Variants in NELL2 observed in about 807,000 individuals in gnomAD.
NELL2 encodes neural EGFL like 2, also known as protein kinase C-binding protein NELL2.
Under a neutral mutation model 109.6 loss-of-function variants are expected in NELL2, and 41 were observed. The observed-to-expected ratio is 0.37, with a 90% CI of 0.29 to 0.49. The LOEUF (loss-of-function observed/expected upper bound fraction) is 0.49, where lower values mean the gene tolerates loss of function less well. Ranked by LOEUF, NELL2 falls within the 20% of genes least tolerant of loss-of-function variation. NELL2 has a pLI of 0.98. For synonymous variants in NELL2, 355 were observed against 344.7 expected, an observed-to-expected ratio of 1.03 and a Z score of -0.33; for missense variants, 900 against 1,008.3, an observed-to-expected ratio of 0.89 and a Z score of 1.45.
rs188178376 is a variant in NELL2 at position 44,727,773 on chromosome 12, G to A, written c.995-13032C>T. Reference sequence around the variant, plus strand: ...CTAAATGAAACATCGAGGTTAAAATGTTAAACACATTATATTAACTCTGTA... The same window carrying A: ...CTAAATGAAACATCGAGGTTAAAATATTAAACACATTATATTAACTCTGTA... On this transcript the variant is annotated intron_variant, in intron 9 of 19. Coordinates refer to ENST00000429094, the MANE Select transcript of NELL2 (RefSeq NM_001145108.2). Among the ~76,000 whole-genome samples, 451 of 152,074 alleles carry A rather than the reference G, an allele frequency of 3.0e-3. 1 individual carries two copies. The highest frequency in any genetic ancestry group is 0.01 in the African/African-American group (436 of 41,536).
intron 12 of NELL2, among the ~76,000 whole-genome samples, chr12:44,667,171 A>G (rs1947952390): frequency 6.6e-6 from 1 of 152,204 alleles, no homozygotes; most frequent in African/African-American, 2.4e-5. Flanking sequence ...CCTCAATGGT[A>G]TAAATTATCT....
chr12:44,598,803 T>C (rs184288225), intron 15 of NELL2, among the ~76,000 whole-genome samples: 1 of 150,854 alleles, frequency 6.6e-6, no homozygotes, highest in Non-Finnish European at 1.5e-5. Context: ...GACTCCAGCA[T>C]AGGCAGAATC....
intron 18 of NELL2, among the ~76,000 whole-genome samples, chr12:44,521,337 C>A (rs373903308): frequency 6.6e-6 from 1 of 151,640 alleles, no homozygotes. Context: ...GAGACCATCC[C>A]GGCTAAAACG....
intron 10 of NELL2, among the ~76,000 whole-genome samples, chr12:44,711,899 T>A (rs1245529185): frequency 6.6e-6 from 1 of 152,094 alleles, no homozygotes; most frequent in East Asian, 1.9e-4. Context: ...GCAGGATTCT[T>A]GTCTCTTGTA....
rs530022284 is a variant in NELL2 at position 44,845,142 on chromosome 12, G to T, written c.185-29006C>A. ...TTGAGCACTTGTAACTTTAGAAATT[G>T]TCATTAAGTAATACAGACTCCAAAT... On this transcript the variant is annotated intron_variant, in intron 2 of 19. Coordinates refer to ENST00000429094, the MANE Select transcript of NELL2 (RefSeq NM_001145108.2). 2.6e-5 allele frequency among the ~76,000 whole-genome samples: 4 copies of T among 152,184 alleles called. No homozygotes were observed. The South Asian group carries it at 8.3e-4, about 32-fold the overall frequency.
In NELL2 at chr12:44,686,488, G is replaced by A. The variant is rs555131039; in HGVS notation, c.1318+17238C>T. Among the ~76,000 whole-genome samples, 60 of 152,234 alleles carry A rather than the reference G, an allele frequency of 3.9e-4. 1 individual carries two copies. Among genetic ancestry groups the A allele is most frequent in the South Asian group, 3.3e-3 (16 of 4,824 alleles). ...TGCGTTCCTTTGGAGGAGGAGAGGCGCTCTGCTTTTTAGAGTTTCCAGTTT... is the reference window on the plus strand; with the variant it reads ...TGCGTTCCTTTGGAGGAGGAGAGGCACTCTGCTTTTTAGAGTTTCCAGTTT... On this transcript the variant is annotated intron_variant, in intron 12 of 19. Transcript: ENST00000429094.
intron 13 of NELL2, among the ~76,000 whole-genome samples, chr12:44,660,949 T>C (rs1301319882): frequency 6.6e-6 from 1 of 152,164 alleles, no homozygotes; most frequent in Admixed American, 6.5e-5. Flanking sequence ...TTAAAAGTGA[T>C]GAATTGGCAG....
chr12:44,797,472 G>A (rs1942664479), intron 3 of NELL2, among the ~76,000 whole-genome samples: 1 of 151,970 alleles, frequency 6.6e-6, no homozygotes, highest in African/African-American at 2.4e-5. Flanking sequence ...TCCATTCATG[G>A]GCTTCGTTAA....
intron 15 of NELL2, among the ~76,000 whole-genome samples, chr12:44,533,374 T>C (rs922764826): frequency 1.3e-5 from 2 of 152,116 alleles, no homozygotes; most frequent in Non-Finnish European, 2.9e-5. Context: ...ATTATTTATG[T>C]CACTTTCTAC....
intron 13 of NELL2, among the ~76,000 whole-genome samples, chr12:44,625,391 A>T: frequency 6.6e-6 from 1 of 152,060 alleles, no homozygotes. Flanking sequence ...CCACCCCTAC[A>T]CATCCAAGTA....
chr12:44,855,932 A>G (rs896305584), intron 2 of NELL2, among the ~76,000 whole-genome samples: 9 of 152,212 alleles, frequency 5.9e-5, no homozygotes, highest in Non-Finnish European at 1.3e-4. Context: ...TAGAGAAGAA[A>G]GCAGGTATTT....
intron 1 of NELL2, 192 bp downstream of exon 1, chr12:44,875,623 G>C: frequency 6.2e-7 from 1 of 1,609,594 alleles, no homozygotes; most frequent in Non-Finnish European, 8.5e-7. Context: ...GACTAGGGGC[G>C]TGATCCGCCT....
intron 12 of NELL2, among the ~76,000 whole-genome samples, chr12:44,670,452 CAGAAATCCCCACCTATT>C (rs1156476445): frequency 6.6e-6 from 1 of 151,742 alleles, no homozygotes; most frequent in Admixed American, 6.6e-5. Context: ...AACAATATGA[CAGAAATCCCCACCTATT>C]AATAAAAACC....
chr12:44,910,778 G>T (rs77681758), intron 1 of NELL2, among the ~76,000 whole-genome samples: 1,604 of 152,022 alleles, frequency 0.011, 31 homozygotes, highest in East Asian at 0.048. Context: ...ATGCAGCCAT[G>T]AAAAGAACAA....
chr12:44,538,373 G>C (rs774120853), intron 15 of NELL2, among the ~76,000 whole-genome samples: 1 of 152,204 alleles, frequency 6.6e-6, no homozygotes, highest in Non-Finnish European at 1.5e-5. Context: ...TAACTGGCTC[G>C]TAAGAGGTAT....
At chr12:44,766,850 C>T (rs867302087) in intron 9 of NELL2, among the ~76,000 whole-genome samples, 1 of 152,138 alleles carries the variant, frequency 6.6e-6, no homozygotes, top group Admixed American at 6.5e-5. Context: ...AGTCTTTGGT[C>T]ACTTAAGCAA....
chr12:44,688,386 A>C (rs1366404037), intron 12 of NELL2, among the ~76,000 whole-genome samples: 1 of 152,264 alleles, frequency 6.6e-6, no homozygotes, highest in African/African-American at 2.4e-5. Context: ...TAACTGATAC[A>C]CTGACAATAA....
At chr12:44,903,676 G>C (rs1430814186) in intron 1 of NELL2, among the ~76,000 whole-genome samples, 1 of 152,058 alleles carries the variant, frequency 6.6e-6, no homozygotes, top group Non-Finnish European at 1.5e-5. Flanking sequence ...AGGAAAACGT[G>C]GCACATATGC....
intron 13 of NELL2, among the ~76,000 whole-genome samples, chr12:44,621,697 C>CT (rs111552655): frequency 0.17 from 25,743 of 149,214 alleles, 3,416 homozygotes; most frequent in African/African-American, 0.37. Context: ...TGTGCTCGAA[C>CT]TTTTTTTTTT....
Sources: allele counts gnomAD v4.1 joint callset (sites outside exome capture counted in the v4.1 genomes callset), GRCh38; gene constraint gnomAD v4.1.1; transcripts MANE v1.5; gene names NCBI Gene and HGNC (gene_info 2026-07-23, HGNC 2026-07-21).